Variants in PTPRK observed in about 807,000 individuals in gnomAD.
The protein encoded by PTPRK is protein tyrosine phosphatase receptor type K, also known as receptor-type tyrosine-protein phosphatase kappa.
In PTPRK, 75 loss-of-function variants were observed where a neutral mutation model predicts 178.0. The observed-to-expected ratio is 0.42, with a 90% CI of 0.35 to 0.51. PTPRK has a LOEUF of 0.51. PTPRK is among the 20% of genes least tolerant of loss of function. PTPRK has a pLI of 0.02. For missense variants in PTPRK, 1,441 were observed against 1,797.8 expected (o/e 0.80, Z 3.59); for synonymous variants, 637 against 620.6 (o/e 1.03, Z -0.39).
At chr6:128,369,468 C>T (rs1835970950) in intron 2 of PTPRK, among the ~76,000 whole-genome samples, 1 of 152,054 alleles carries the variant, frequency 6.6e-6, no homozygotes, top group South Asian at 2.1e-4. Flanking sequence ...AGTTAGGCTT[C>T]TACCTGGTAA....
chr6:128,062,764 G>T (rs1373697130), intron 13 of PTPRK: 1 of 153,318 alleles, frequency 6.5e-6, no homozygotes, highest in Non-Finnish European at 1.5e-5. Context: ...ACGTAAACTG[G>T]AACTTCTGGG....
chr6:128,438,852 C>T (rs560245293), intron 1 of PTPRK, among the ~76,000 whole-genome samples: 9 of 152,024 alleles, frequency 5.9e-5, no homozygotes, highest in Admixed American at 1.3e-4. Flanking sequence ...ACTCCTGGTA[C>T]ACAAAAAATA....
intron 14 of PTPRK, chr6:128,007,999 G>A (rs1778623564): frequency 2.5e-6 from 3 of 1,222,112 alleles, no homozygotes; most frequent in Non-Finnish European, 3.3e-6. Flanking sequence ...ACTATTTGGG[G>A]AAAGCACGTA....
intron 7 of PTPRK, among the ~76,000 whole-genome samples, chr6:128,117,136 ACT>A (rs938075365): frequency 7.2e-5 from 11 of 152,050 alleles, no homozygotes; most frequent in Non-Finnish European, 1.5e-4. Flanking sequence ...ACAGAACAAG[ACT>A]CTGTCAAAAA....
At chr6:128,063,106 A>G (rs1781144500) in intron 13 of PTPRK, among the ~76,000 whole-genome samples, 2 of 152,152 alleles carry the variant, frequency 1.3e-5, no homozygotes, top group African/African-American at 2.4e-5. Flanking sequence ...CAATATTTGA[A>G]CTCAGATAGT....
At position 128,009,218 on chromosome 6, in the gene PTPRK, C is replaced by G. The variant is rs1453770204; in HGVS notation, c.2245G>C (p.Asp749His). 1 of 1,608,974 alleles carries G rather than the reference C, an allele frequency of 6.2e-7. No homozygotes were observed. Among genetic ancestry groups the G allele is most frequent in the South Asian group, 1.1e-5 (1 of 90,924 alleles). ...ATTCCTGCTATTTTCACCACTCTGTCTGTCTGCTTGGCGGGATCTGGGATC... is the reference window on the plus strand; with the variant it reads ...ATTCCTGCTATTTTCACCACTCTGTGTGTCTGCTTGGCGGGATCTGGGATC... Reference protein sequence around the residue: ...EVIPDPAKQTDRVVKIAGISA... With the variant: ...EVIPDPAKQTHRVVKIAGISA... Residue 749 changes from aspartate (D) to histidine (H), a missense_variant, in exon 14 of 30, where the codon GAC (aspartate) becomes CAC (histidine). By Grantham distance (81) the Asp-to-His change is moderately conservative. Coordinates refer to ENST00000368226, the MANE Select transcript of PTPRK (RefSeq NM_002844.4).
At chr6:128,099,442 C>T (rs1788438030) in intron 7 of PTPRK, among the ~76,000 whole-genome samples, 2 of 151,928 alleles carry the variant, frequency 1.3e-5, no homozygotes, top group South Asian at 4.1e-4. Context: ...ATTACAATTA[C>T]ATTATAATGA....
At chr6:128,227,173 C>T (rs1284169179) in intron 5 of PTPRK, among the ~76,000 whole-genome samples, 1 of 152,034 alleles carries the variant, frequency 6.6e-6, no homozygotes, top group Non-Finnish European at 1.5e-5. Context: ...AACAAAGAAA[C>T]AAACAAAGAA....
intron 3 of PTPRK, among the ~76,000 whole-genome samples, chr6:128,264,924 C>T (rs1818725288): frequency 1.3e-5 from 2 of 152,146 alleles, no homozygotes; most frequent in South Asian, 4.1e-4. Flanking sequence ...TTGCCTGCTG[C>T]CATCCATGTA....
intron 1 of PTPRK, among the ~76,000 whole-genome samples, chr6:128,474,572 A>C (rs1362445816): frequency 1.3e-5 from 2 of 152,110 alleles, no homozygotes; most frequent in African/African-American, 4.8e-5. Context: ...TCAAGAAACA[A>C]GGTTTTCAAT....
At chr6:128,064,458 T>G (rs1019489515) in intron 13 of PTPRK, among the ~76,000 whole-genome samples, 1 of 152,224 alleles carries the variant, frequency 6.6e-6, no homozygotes, top group African/African-American at 2.4e-5. Context: ...CATCTGCTAT[T>G]GCTGACGCTT....
At chr6:128,332,039 T>C (rs1830349073) in intron 2 of PTPRK, among the ~76,000 whole-genome samples, 1 of 152,170 alleles carries the variant, frequency 6.6e-6, no homozygotes, top group Admixed American at 6.5e-5. Flanking sequence ...CAGTAGAAAG[T>C]AGCAAATTTC....
chr6:127,995,944 G>A (rs1212695657), intron 17 of PTPRK, among the ~76,000 whole-genome samples: 3 of 152,018 alleles, frequency 2.0e-5, no homozygotes, highest in Admixed American at 6.6e-5. Flanking sequence ...TTGAATTCCC[G>A]CTCTCAGTTT....
chr6:128,098,697 G>A (rs1788294550), intron 7 of PTPRK, among the ~76,000 whole-genome samples: 1 of 151,980 alleles, frequency 6.6e-6, no homozygotes. Context: ...ATATTTATGT[G>A]AAGATTCTAT....
At chr6:128,090,310 C>T (rs1218655259) in intron 7 of PTPRK, among the ~76,000 whole-genome samples, 1 of 152,164 alleles carries the variant, frequency 6.6e-6, no homozygotes, top group Non-Finnish European at 1.5e-5. Flanking sequence ...CAATTCTCTG[C>T]CTTTCTTTTG....
intron 13 of PTPRK, among the ~76,000 whole-genome samples, chr6:128,017,797 T>C (rs1315421273): frequency 3.2e-5 from 2 of 63,404 alleles, no homozygotes; most frequent in South Asian, 1.2e-3. Flanking sequence ...AATAAATATA[T>C]ATGTGTATAT....
chr6:128,403,583 T>C (rs1201308518), intron 1 of PTPRK, among the ~76,000 whole-genome samples: 3 of 152,180 alleles, frequency 2.0e-5, no homozygotes, highest in African/African-American at 7.2e-5. Flanking sequence ...ACACAGTTTT[T>C]TTTTTGGTTA....
chr6:128,055,337 A>G (rs963229320), intron 13 of PTPRK, among the ~76,000 whole-genome samples: 23 of 152,166 alleles, frequency 1.5e-4, no homozygotes, highest in Non-Finnish European at 7.3e-5. Flanking sequence ...TCTACAACCA[A>G]TGTATATAAA....
At chr6:128,242,636 T>C (rs984626939) in intron 3 of PTPRK, 34 bp from the exon 4 acceptor site, 1 of 1,604,356 alleles carries the variant, frequency 6.2e-7, no homozygotes, top group Non-Finnish European at 8.5e-7. Context: ...TTTACAACAA[T>C]AGTTTTCAAG....
Sources: allele counts gnomAD v4.1 joint callset (sites outside exome capture counted in the v4.1 genomes callset), GRCh38; gene constraint gnomAD v4.1.1; transcripts MANE v1.5; gene names NCBI Gene and HGNC (gene_info 2026-07-23, HGNC 2026-07-21).